The following LIN37 variants were observed in gnomAD, a reference collection of about 807,000 sequenced individuals.
The protein encoded by LIN37 is protein lin-37 homolog.
In LIN37, 21 loss-of-function variants were observed where a neutral mutation model predicts 38.0. The ratio of observed to expected loss-of-function variants is 0.55; its 90% CI spans 0.39 to 0.80. The LOEUF is 0.80. Among genes scored for constraint, LIN37 ranks in the 30% least tolerant of loss-of-function variants. LIN37 has a pLI of 0.00. For missense variants in LIN37, 273 were observed against 338.5 expected, an observed-to-expected ratio of 0.81 and a Z score of 1.52; for synonymous variants, 126 against 122.9, an observed-to-expected ratio of 1.03 and a Z score of -0.17.
In LIN37 at chr19:35,752,237, G is replaced by C; in HGVS notation, c.96G>C (p.Lys32Asn). ...LDAVLQCLLE[K>N]SHMDRERLDE... The stretch of plus-strand genomic sequence containing the variant: ...CTGTCTTGCAGTGTCTGCTGGAGAA[G>C]AGTCACATGGACAGGTAGGCCAGCG... Residue 32 changes from lysine (K) to asparagine (N), a missense_variant, in exon 2 of 9, where the codon AAG (lysine) becomes AAC (asparagine). Coordinates refer to ENST00000301159, the MANE Select transcript of LIN37 (RefSeq NM_019104.3). 4.4e-6 allele frequency: 7 copies of C among 1,606,658 alleles called. No individual in the cohort carries two copies. Among genetic ancestry groups the C allele is most frequent in the Non-Finnish European group, 5.9e-6 (7 of 1,176,646 alleles).
At chr19:35,752,328 C>T in intron 2 of LIN37, 77 bp downstream of exon 2, 1 of 1,576,986 alleles carries the variant, frequency 6.3e-7, no homozygotes, top group Non-Finnish European at 8.7e-7. Context: ...TGGGTGGGAC[C>T]CCACAGGCTG....
chr19:35,753,342 G>A, intron 6 of LIN37, 89 bp downstream of exon 6: 1 of 1,427,424 alleles, frequency 7.0e-7, no homozygotes, highest in African/African-American at 1.4e-5. Context: ...AAGCTAGTGG[G>A]ATAGACAGAC....
intron 1 of LIN37, among the ~76,000 whole-genome samples, chr19:35,751,773 C>T (rs553328689): frequency 3.2e-4 from 49 of 152,320 alleles, no homozygotes; most frequent in African/African-American, 1.2e-3. Context: ...GGCACAGTGG[C>T]TCACACCTGT....
chr19:35,752,919 C>T lies in LIN37; in HGVS notation c.197C>T (p.Ser66Phe). ...CACTCCCTCTCCCTACGCAGGCCAT[C>T]TGCCCGCTTCCCCCACCAGCGGAGG... is the stretch of plus-strand genomic sequence containing the variant. ...CSIAATGKRP[S>F]ARFPHQRRKK... The change falls in exon 5 of 9, where the codon TCT (serine) becomes TTT (phenylalanine). Residue 66 changes from serine to phenylalanine, a missense_variant. By Grantham distance (155) the Ser-to-Phe change is radical (BLOSUM62 -2). Transcript: ENST00000301159. 6.3e-7 allele frequency: 1 copy of T among 1,576,272 alleles called. No homozygotes were observed. The highest frequency in any genetic ancestry group is 2.3e-5 in the East Asian group (1 of 42,580).
chr19:35,753,965 GC>G, intron 6 of LIN37, 51 bp from the exon 7 acceptor site: 1 of 1,586,334 alleles, frequency 6.3e-7, no homozygotes, highest in East Asian at 2.3e-5. Context: ...TGGATTCCCA[GC>G]CCCTCTGCTT....
intron 6 of LIN37, chr19:35,753,646 A>C: frequency 2.0e-6 from 1 of 487,898 alleles, no homozygotes; most frequent in African/African-American, 1.9e-5. Context: ...CGGGGTAGAC[A>C]AGGGTCCCCA....
At chr19:35,748,892 G>T (rs941453977) in intron 1 of LIN37, 134 bp downstream of exon 1, 2 of 1,579,060 alleles carry the variant, frequency 1.3e-6, no homozygotes, top group Middle Eastern at 1.7e-4. Context: ...GCTGTATCAG[G>T]CAGCGAGCGT....
intron 3 of LIN37, 26 bp downstream of exon 3, chr19:35,752,510 G>A (rs1377431164): frequency 6.2e-7 from 1 of 1,612,942 alleles, no homozygotes; most frequent in African/African-American, 1.3e-5. Flanking sequence ...TGGATTTGGA[G>A]TTGAGAGTTC....
chr19:35,753,907 C>A lies in LIN37; in HGVS notation c.445-110C>A. ...CATGCCTCCTGTCTGAGTCCCTTAGCGAGCCCCTCATGCCATTTGTTGCTG... is the reference window on the plus strand; with the variant it reads ...CATGCCTCCTGTCTGAGTCCCTTAGAGAGCCCCTCATGCCATTTGTTGCTG... On this transcript the variant is annotated intron_variant, in intron 6 of 8. Coordinates refer to ENST00000301159, the MANE Select transcript of LIN37 (RefSeq NM_019104.3). 5 of 1,282,006 alleles carry A rather than the reference C, an allele frequency of 3.9e-6. No homozygotes were observed. The Admixed American group carries it at 5.6e-5, about 14-fold the overall frequency. The allele number at this position is 1,282,006 out of a possible 1,614,324, so 79.4% of individuals were successfully genotyped here.
At chr19:35,748,823 GA>G in intron 1 of LIN37, 65 bp downstream of exon 1, 1 of 1,612,626 alleles carries the variant, frequency 6.2e-7, no homozygotes, top group Non-Finnish European at 8.5e-7. Flanking sequence ...AGTCCCGGTG[GA>G]AGGGAGTATC....
rs761487499 is a variant in LIN37, at chr19:35,752,846, G to T, written c.191+13G>T. On this transcript the variant is annotated intron_variant, in intron 4 of 8. Coordinates refer to ENST00000301159, the MANE Select transcript of LIN37 (RefSeq NM_019104.3). Reference sequence around the variant, plus strand: ...CCACTGGCAAAAGGTAAGGTGGCAGGGTCCCAGCCAGCTGACTAGAGGCTC... The same window carrying T: ...CCACTGGCAAAAGGTAAGGTGGCAGTGTCCCAGCCAGCTGACTAGAGGCTC... 6.2e-7 allele frequency: 1 copy of T among 1,605,280 alleles called. No homozygotes were observed. Among genetic ancestry groups the T allele is most frequent in the Non-Finnish European group, 8.5e-7 (1 of 1,175,950 alleles).
chr19:35,753,314 T>A, intron 6 of LIN37, 61 bp downstream of exon 6: 1 of 1,523,236 alleles, frequency 6.6e-7, no homozygotes. Flanking sequence ...GTGGATAGGC[T>A]CAAAGGATCC....
chr19:35,752,039 G>A, intron 1 of LIN37, 137 bp from the exon 2 acceptor site: 1 of 642,964 alleles, frequency 1.6e-6, no homozygotes, highest in Non-Finnish European at 2.8e-6. Context: ...TCTGCCTGTT[G>A]CACCCTTTCA....
At chr19:35,749,797 C>T (rs1311678546) in intron 1 of LIN37, among the ~76,000 whole-genome samples, 1 of 139,268 alleles carries the variant, frequency 7.2e-6, no homozygotes, top group Non-Finnish European at 1.5e-5. Flanking sequence ...AGATTGAGAC[C>T]CTGTCTCAAA....
At position 35,754,257 on chromosome 19, in the gene LIN37, C is replaced by T. The variant is rs376236644; in HGVS notation, c.597C>T (p.Pro199=). 4.0e-5 allele frequency: 64 copies of T among 1,613,860 alleles called. No homozygotes were observed. The African/African-American group carries it at 4.3e-4, about 11-fold the overall frequency. The change falls in exon 8 of 9, where the codon CCC becomes CCT. Residue 199 remains proline (P), a synonymous_variant. Coordinates refer to ENST00000301159, the MANE Select transcript of LIN37 (RefSeq NM_019104.3). Reference sequence around the variant, plus strand: ...GTCTGTCCATGCAGCCCTCTGAGCCCGAGCCCTCACCCTCCACACTCATCT... The same window carrying T: ...GTCTGTCCATGCAGCCCTCTGAGCCTGAGCCCTCACCCTCCACACTCATCT... ...QGTPDDEPSE[P]EPSPSTLIYR... is the part of the protein sequence containing the mutation.
At chr19:35,750,309 C>T (rs1016337242) in intron 1 of LIN37, among the ~76,000 whole-genome samples, 1 of 152,114 alleles carries the variant, frequency 6.6e-6, no homozygotes, top group Non-Finnish European at 1.5e-5. Flanking sequence ...TGATCCGTAC[C>T]CTCTGCATCT....
chr19:35,753,523 C>T (rs958581908), intron 6 of LIN37: 1 of 574,956 alleles, frequency 1.7e-6, no homozygotes, highest in Admixed American at 2.9e-5. Context: ...CAGGGGTTCC[C>T]AAGAGCCGAG....
At chr19:35,752,750 T>A in intron 3 of LIN37, 54 bp from the exon 4 acceptor site, 1 of 1,594,020 alleles carries the variant, frequency 6.3e-7, no homozygotes, top group Non-Finnish European at 8.5e-7. Flanking sequence ...CAGGGTGCCC[T>A]CTGCAGGGTT....
In LIN37 at chr19:35,752,828, C is replaced by T. The variant is rs1323991852; in HGVS notation, c.186C>T (p.Gly62=). The T allele has an allele frequency of 6.2e-7, 1 of 1,608,346 alleles. No homozygotes were observed. Among genetic ancestry groups the T allele is most frequent in the Admixed American group, 1.7e-5 (1 of 59,362 alleles). Residue 62 remains glycine (G), a synonymous_variant, in exon 4 of 9, where the codon GGC becomes GGT. Transcript: ENST00000301159. ...GGGACTGCTCCATCGCAGCCACTGG[C>T]AAAAGGTAAGGTGGCAGGGTCCCAG... ...HNKDCSIAAT[G]KRPSARFPHQ... is the part of the protein sequence containing the mutation.
Sources: gnomAD v4.1 joint callset for allele counts (sites outside exome capture counted in the v4.1 genomes callset) on GRCh38, gnomAD v4.1.1 for gene constraint, MANE v1.5 for transcripts, NCBI Gene and HGNC (gene_info 2026-07-23, HGNC 2026-07-21) for gene names.